The following GPANK1 variants were observed in gnomAD, a reference collection of about 807,000 sequenced individuals.
GPANK1 encodes G patch domain and ankyrin repeat-containing protein 1.
GPANK1 carries 22 observed loss-of-function variants against 24.0 expected under a neutral mutation model. The observed-to-expected ratio is 0.92, with a 90% CI of 0.66 to 1.31. GPANK1 has a LOEUF of 1.31. Ranked by LOEUF, GPANK1 falls within the 50% of genes most tolerant of loss-of-function variation. GPANK1 has a pLI of 0.00. For missense variants in GPANK1, 469 were observed against 453.5 expected, an observed-to-expected ratio of 1.03 and a Z score of -0.31; for synonymous variants, 174 against 177.4, an observed-to-expected ratio of 0.98 and a Z score of 0.15.
chr6:31,665,209 G>T, upstream of GPANK1: 1 of 543,252 alleles, frequency 1.8e-6, no homozygotes, highest in East Asian at 2.9e-5. Flanking sequence ...AGGATCTGTC[G>T]GTTGGGGTCC....
chr6:31,665,247 C>T (rs967944919), upstream of GPANK1: 53 of 606,654 alleles, frequency 8.7e-5, no homozygotes, highest in African/African-American at 5.5e-4. Flanking sequence ...CCCACAATGC[C>T]CTTCGCCTTC....
In GPANK1 at chr6:31,663,837, TAA is replaced by T. The variant is rs755980027; in HGVS notation, c.626+14_626+15del. 7.1e-6 allele frequency: 11 copies of T among 1,540,364 alleles called. No homozygotes were observed. The highest frequency in any genetic ancestry group is 2.3e-5 in the East Asian group (1 of 44,340). ...AACACAATGAGACATGGGTCTGAGC[TAA>T]AGTTTCCCCTTACCGGTTTTCCGGG... On this transcript the variant is annotated intron_variant, in intron 2 of 2. Coordinates refer to ENST00000375896, the MANE Select transcript of GPANK1 (RefSeq NM_033177.4).
upstream of GPANK1, chr6:31,665,431 T>G: frequency 3.2e-6 from 5 of 1,561,764 alleles, no homozygotes; most frequent in Non-Finnish European, 4.3e-6. Flanking sequence ...AAGGTCACAC[T>G]TAGAGCCTAA....
At position 31,663,867 on chromosome 6, in the gene GPANK1, CCTT is replaced by C; in HGVS notation, c.609_611del (p.Arg204del). ...TTTCCCCTTACCGGTTTTCCGGGCT[CCTT>C]GTCTCTCCATGGCTCTCCCTGACCA... On this transcript the variant is annotated inframe_deletion, in exon 2 of 3. Transcript: ENST00000375896. 3 of 1,559,286 alleles carry C rather than the reference CCTT, an allele frequency of 1.9e-6. No homozygotes were observed. Among genetic ancestry groups the C allele is most frequent in the Non-Finnish European group, 2.6e-6 (3 of 1,153,610 alleles).
In GPANK1 at chr6:31,662,383, A is replaced by T. The variant is rs1800981512; in HGVS notation, c.954T>A (p.Ala318=). Residue 318 remains alanine, a synonymous_variant, in exon 3 of 3, where the codon GCT becomes GCA. Coordinates refer to ENST00000375896, the MANE Select transcript of GPANK1 (RefSeq NM_033177.4). This position sits in a 1 kb window ranked among gnomAD's most constrained non-coding sequence, Gnocchi z 5.5. The part of the protein sequence containing the change: ...HFPAWDTRAV[A]GRERPPRVAT... ...CCACCCGAGGGGGTCTCTCCCTCCC[A>T]GCCACAGCTCGGGTATCCCAAGCTG... The T allele has an allele frequency of 1.2e-6, 2 of 1,612,476 alleles. No individual in the cohort carries two copies. Among genetic ancestry groups the T allele is most frequent in the South Asian group, 2.2e-5 (2 of 90,970 alleles).
rs1801448504 is a variant in GPANK1 at position 31,664,989 on chromosome 6, CA to C, written c.-249del. 4.3e-6 allele frequency: 1 copy of C among 235,196 alleles called. No individual in the cohort carries two copies. The highest frequency in any genetic ancestry group is 6.5e-5 in the South Asian group (1 of 15,368). The allele number at this position is 235,196 out of a possible 1,614,324, so 14.6% of individuals were successfully genotyped here. On this transcript the variant is annotated 5_prime_UTR_variant, in exon 1 of 3. Transcript: ENST00000375896. Reference sequence around the variant, plus strand: ...GTGTTGCTGTGTAGCTTCCGTACCGCAAAATGGCGCCATTCTAATCAGAAGA... The same window carrying C: ...GTGTTGCTGTGTAGCTTCCGTACCGCAAATGGCGCCATTCTAATCAGAAGA...
rs1435685866 is a variant in GPANK1 at position 31,661,276 on chromosome 6, G to A, written c.*990C>T. 6.6e-6 allele frequency: 1 copy of A among 152,236 alleles called. No homozygotes were observed. Among genetic ancestry groups the A allele is most frequent in the East Asian group, 1.9e-4 (1 of 5,196 alleles). The allele number at this position is 152,236 out of a possible 1,614,324, so 9.4% of individuals were successfully genotyped here. On this transcript the variant is annotated 3_prime_UTR_variant, in exon 3 of 3. Transcript: ENST00000375896. Reference sequence around the variant, plus strand: ...GTTTAGATTTGGGGGCTAGAGTTCTGGTCCCAGTTCAACTAAGTGTACAAG... The same window carrying A: ...GTTTAGATTTGGGGGCTAGAGTTCTAGTCCCAGTTCAACTAAGTGTACAAG...
intron 1 of GPANK1, 44 bp downstream of exon 1, chr6:31,664,797 A>C: frequency 5.4e-6 from 2 of 372,950 alleles, no homozygotes; most frequent in Non-Finnish European, 4.8e-6. Flanking sequence ...AACAATAAAC[A>C]CCAGCCTCTT....
At position 31,662,207 on chromosome 6, in the gene GPANK1, C is replaced by T; in HGVS notation, c.*59G>A. On this transcript the variant is annotated 3_prime_UTR_variant, in exon 3 of 3. Transcript: ENST00000375896. This position sits in a 1 kb window ranked among gnomAD's most constrained non-coding sequence, Gnocchi z 5.5. ...TCCCAGGAAGGGGAAGTCAAAGGGC[C>T]CAGGTCAGAGGCCCAAGTTCAGACT... The T allele has an allele frequency of 8.3e-7, 1 of 1,209,820 alleles. No homozygotes were observed. Among genetic ancestry groups the T allele is most frequent in the South Asian group, 1.5e-5 (1 of 65,478 alleles). 74.9% of individuals were successfully genotyped at this position (1,209,820 alleles called of 1,614,324 possible). A position where few individuals can be genotyped will look rare whatever the true frequency, so the allele number is the denominator to read the frequency against.
upstream of GPANK1, chr6:31,665,721 G>A (rs1801589808): frequency 9.5e-6 from 8 of 841,206 alleles, no homozygotes; most frequent in South Asian, 1.1e-4. Flanking sequence ...GCAGCGCCGC[G>A]CCGGGACTAG....
At chr6:31,665,298 G>A (rs1801501738), upstream of GPANK1, 1 of 737,878 alleles carries the variant, frequency 1.4e-6, no homozygotes. Flanking sequence ...TCTGGAGCCA[G>A]GAATCCACTC....
upstream of GPANK1, chr6:31,665,222 C>G (rs1226234493): frequency 1.8e-6 from 1 of 570,508 alleles, no homozygotes; most frequent in Non-Finnish European, 3.2e-6. Context: ...TGGGGTCCTA[C>G]TTTTACATAA....
chr6:31,665,265 TG>T, upstream of GPANK1: 1 of 627,860 alleles, frequency 1.6e-6, no homozygotes, highest in Non-Finnish European at 2.9e-6. Context: ...TTCCTCAACG[TG>T]GCCCCCGCTC....
upstream of GPANK1, chr6:31,665,170 G>A (rs1801479475): frequency 4.1e-6 from 2 of 486,580 alleles, no homozygotes; most frequent in Non-Finnish European, 7.5e-6. Context: ...AACGAGCAAA[G>A]CTCCGCGCGC....
Position 31,662,102 on chromosome 6 carries a change from A to G in GPANK1, c.*164T>C, listed in dbSNP as rs1800933271. On this transcript the variant is annotated 3_prime_UTR_variant, in exon 3 of 3. Coordinates refer to ENST00000375896, the MANE Select transcript of GPANK1 (RefSeq NM_033177.4). The surrounding 1 kb of genome is among the most constrained non-coding windows in gnomAD (Gnocchi z 5.5). ...AAAGTGAATAAACCACAAATGGTTG[A>G]TTTATTTCTGACTCTCAGCCCGTCT... 2 of 456,442 alleles carry G rather than the reference A, an allele frequency of 4.4e-6. No individual in the cohort carries two copies. The highest frequency in any genetic ancestry group is 3.4e-5 in the East Asian group (1 of 29,660). The allele number at this position is 456,442 out of a possible 1,614,324, so 28.3% of individuals were successfully genotyped here.
upstream of GPANK1, chr6:31,665,286 T>C (rs902477656): frequency 1.4e-6 from 1 of 696,808 alleles, no homozygotes; most frequent in African/African-American, 1.8e-5. Context: ...CCAAGCCCAT[T>C]TTCTGGAGCC....
At chr6:31,665,204 C>G (rs1205608058), upstream of GPANK1, 4 of 536,722 alleles carry the variant, frequency 7.5e-6, no homozygotes, top group African/African-American at 7.6e-5. Context: ...GCACTAGGAT[C>G]TGTCGGTTGG....
chr6:31,664,238 C>T lies in GPANK1; in HGVS notation c.241G>A (p.Ala81Thr). The change falls in exon 2 of 3, where the codon GCA (alanine) becomes ACA (threonine). Residue 81 changes from alanine to threonine, a missense_variant. By Grantham distance (58) the Ala-to-Thr change is moderately conservative. Coordinates refer to ENST00000375896, the MANE Select transcript of GPANK1 (RefSeq NM_033177.4). ...GATGCTCCTTCTGCCACTGCTTCTG[C>T]TGCTGGTGCCTTCATTATTCTTCTT... ...KKRRIMKAPA[A>T]EAVAEGASGR... is the part of the protein sequence containing the mutation. 1.9e-6 allele frequency: 3 copies of T among 1,613,832 alleles called. No individual in the cohort carries two copies. Among genetic ancestry groups the T allele is most frequent in the Non-Finnish European group, 2.5e-6 (3 of 1,179,666 alleles).
At chr6:31,666,234 G>C, upstream of GPANK1, 1 of 977,442 alleles carries the variant, frequency 1.0e-6, no homozygotes, top group Non-Finnish European at 1.2e-6. Context: ...TCGCTGCTCC[G>C]AGTCCCTTGT....
Sources: allele counts gnomAD v4.1 joint callset, GRCh38; gene constraint gnomAD v4.1.1; non-coding constraint Gnocchi (gnomAD v3.1); transcripts MANE v1.5; gene names NCBI Gene and HGNC (gene_info 2026-07-23, HGNC 2026-07-21).